Variants in RBFOX1 observed in about 807,000 individuals in gnomAD.
RBFOX1 encodes RNA binding fox-1 homolog 1.
A neutral mutation model predicts 57.7 loss-of-function variants in RBFOX1; 8 were observed. That is an observed-to-expected ratio of 0.14 (90% CI 0.08 to 0.25). The LOEUF (loss-of-function observed/expected upper bound fraction) is 0.25, where lower values mean the gene tolerates loss of function less well. Ranked by LOEUF, RBFOX1 falls within the 10% of genes least tolerant of loss-of-function variation. The pLI is 1.00. For synonymous variants in RBFOX1, 326 were observed against 222.4 expected (o/e 1.47, Z -4.15); for missense variants, 611 against 548.5 (o/e 1.11, Z -1.14).
intron 7 of RBFOX1, among the ~76,000 whole-genome samples, chr16:7,591,346 C>T (rs1284966470): frequency 6.6e-6 from 1 of 151,984 alleles, no homozygotes; most frequent in Non-Finnish European, 1.5e-5. Flanking sequence ...GATTTTTCAT[C>T]TAGGATGAAA....
intron 1 of RBFOX1, among the ~76,000 whole-genome samples, chr16:6,297,363 A>G (rs2078244013): frequency 6.6e-6 from 1 of 151,940 alleles, no homozygotes; most frequent in Non-Finnish European, 1.5e-5. Flanking sequence ...CCTCTGACAC[A>G]TGGATCACAA....
chr16:7,198,402 C>T (rs1339359875), intron 4 of RBFOX1, among the ~76,000 whole-genome samples: 2 of 152,180 alleles, frequency 1.3e-5, no homozygotes, highest in Non-Finnish European at 2.9e-5. Context: ...AAATGCTACT[C>T]ATTTGTACAC....
chr16:7,029,144 ATATATG>A (rs1238922356), intron 3 of RBFOX1, among the ~76,000 whole-genome samples: 1 of 85,838 alleles, frequency 1.2e-5, no homozygotes, highest in African/African-American at 4.3e-5. Flanking sequence ...ATATATGTGT[ATATATG>A]TATATATATA....
chr16:6,942,350 T>G (rs9923573), intron 3 of RBFOX1, among the ~76,000 whole-genome samples: 24,351 of 151,992 alleles, frequency 0.16, 2,005 homozygotes, highest in East Asian at 0.23. Context: ...TGATTTTTTT[T>G]TGTGACATTT....
chr16:5,742,306 TCCTC>T (rs940679848), intron 3 of RBFOX1, among the ~76,000 whole-genome samples: 8 of 141,324 alleles, frequency 5.7e-5, no homozygotes, highest in Admixed American at 2.1e-4. Flanking sequence ...CTCCCTCCCT[TCCTC>T]CCTCCCTCCC....
At chr16:6,506,933 C>A (rs1327811034) in intron 2 of RBFOX1, among the ~76,000 whole-genome samples, 1 of 152,136 alleles carries the variant, frequency 6.6e-6, no homozygotes, top group African/African-American at 2.4e-5. Context: ...CAGTCATGAG[C>A]CACCGTGCCC....
At chr16:6,890,585 A>G (rs1457171786) in intron 3 of RBFOX1, among the ~76,000 whole-genome samples, 1 of 152,174 alleles carries the variant, frequency 6.6e-6, no homozygotes, top group East Asian at 1.9e-4. Context: ...AAAGTGATAG[A>G]TTTAAGGAAT....
chr16:6,911,029 C>T (rs777385931), intron 3 of RBFOX1, among the ~76,000 whole-genome samples: 4 of 151,816 alleles, frequency 2.6e-5, no homozygotes, highest in East Asian at 1.9e-4. Context: ...GGTGAAACCC[C>T]GTCTCTACCA....
intron 7 of RBFOX1, among the ~76,000 whole-genome samples, chr16:7,592,355 T>C (rs1163252065): frequency 6.6e-6 from 1 of 152,218 alleles, no homozygotes; most frequent in Non-Finnish European, 1.5e-5. Flanking sequence ...CCTTTGTCTT[T>C]CCTAAACATA....
At chr16:6,591,866 T>C (rs1465249411) in intron 2 of RBFOX1, among the ~76,000 whole-genome samples, 1 of 152,196 alleles carries the variant, frequency 6.6e-6, no homozygotes, top group East Asian at 1.9e-4. Context: ...TGAAAGAATT[T>C]GGGAAAAGAC....
At chr16:6,546,553 G>A (rs2096898725) in intron 2 of RBFOX1, among the ~76,000 whole-genome samples, 1 of 152,160 alleles carries the variant, frequency 6.6e-6, no homozygotes, top group Non-Finnish European at 1.5e-5. Context: ...CTACTTTCAT[G>A]TGGCATTCTC....
Position 7,477,236 on chromosome 16 carries a change from C to T in RBFOX1, c.28-40911C>T, listed in dbSNP as rs138990931. 2.4e-3 allele frequency among the ~76,000 whole-genome samples: 361 copies of T among 152,250 alleles called. 2 individuals carry two copies. The highest frequency in any genetic ancestry group is 0.014 in the Middle Eastern group (4 of 294). On this transcript the variant is annotated intron_variant, in intron 4 of 15. Coordinates refer to ENST00000550418, the MANE Select transcript of RBFOX1 (RefSeq NM_018723.4). ...TGGGTTGTTCAGGGTAGAAATAAGA[C>T]ATCGATGCAAATATGGTTCATCCAC...
At chr16:6,109,089 TG>T (rs1211406788) in intron 1 of RBFOX1, among the ~76,000 whole-genome samples, 2 of 152,192 alleles carry the variant, frequency 1.3e-5, no homozygotes, top group Non-Finnish European at 2.9e-5. Context: ...TGTACAAGAA[TG>T]GGGGTTTAGT....
At chr16:7,686,520 C>G (rs2076098560) in intron 14 of RBFOX1, among the ~76,000 whole-genome samples, 1 of 152,006 alleles carries the variant, frequency 6.6e-6, no homozygotes, top group South Asian at 2.1e-4. Flanking sequence ...AATTGCCTGC[C>G]CTCTTCTTTG....
Position 6,460,795 on chromosome 16 carries a change from G to A in RBFOX1, c.-64+143738G>A, listed in dbSNP as rs116841978. 4.7e-3 allele frequency among the ~76,000 whole-genome samples: 673 copies of A among 144,576 alleles called. 17 individuals carry two copies. The East Asian group carries it at 0.096, about 21-fold the overall frequency. 94.8% of individuals were successfully genotyped at this position (144,576 alleles called of 152,430 possible). A position where few individuals can be genotyped will look rare whatever the true frequency, so the allele number is the denominator to read the frequency against. The stretch of plus-strand genomic sequence containing the variant: ...CATTCTATTATAAAGATACATGCAC[G>A]TATATGTTAATAGAAGCACTATTCA... On this transcript the variant is annotated intron_variant, in intron 2 of 15. Transcript: ENST00000550418.
At chr16:7,413,375 C>A (rs6500960) in intron 4 of RBFOX1, among the ~76,000 whole-genome samples, 1 of 151,816 alleles carries the variant, frequency 6.6e-6, no homozygotes, top group African/African-American at 2.4e-5. Flanking sequence ...ATCCCTGAAT[C>A]ACTTGTTAAA....
chr16:5,633,003 A>G (rs1270687458), intron 3 of RBFOX1, among the ~76,000 whole-genome samples: 3 of 140,626 alleles, frequency 2.1e-5, no homozygotes, highest in Non-Finnish European at 4.5e-5. Flanking sequence ...CAGTGTTATG[A>G]TCTCAGCTCA....
intron 4 of RBFOX1, among the ~76,000 whole-genome samples, chr16:5,979,786 C>T (rs887779611): frequency 8.5e-5 from 13 of 152,270 alleles, no homozygotes; most frequent in Admixed American, 2.0e-4. Flanking sequence ...CGCTTGAACC[C>T]GGGAGGCAGA....
At chr16:5,721,494 A>G in intron 3 of RBFOX1, among the ~76,000 whole-genome samples, 1 of 151,972 alleles carries the variant, frequency 6.6e-6, no homozygotes, top group East Asian at 1.9e-4. Context: ...TTGACCCTCC[A>G]GTGTAATGTT....
Sources: allele counts gnomAD v4.1 joint callset (sites outside exome capture counted in the v4.1 genomes callset), GRCh38; gene constraint gnomAD v4.1.1; transcripts MANE v1.5; gene names NCBI Gene and HGNC (gene_info 2026-07-23, HGNC 2026-07-21).